KHDRBS2: variants seen among roughly 807,000 people sequenced by gnomAD.
KHDRBS2 encodes KH domain-containing, RNA-binding, signal transduction-associated protein 2.
A neutral mutation model predicts 44.3 loss-of-function variants in KHDRBS2; 26 were observed. That is an observed-to-expected ratio of 0.59 (90% CI 0.43 to 0.81). KHDRBS2 has a LOEUF of 0.81. Ranked by LOEUF, KHDRBS2 falls within the 40% of genes least tolerant of loss-of-function variation. The probability of loss-of-function intolerance (pLI) is 0.00; values close to 1 mark genes in which losing one functional copy is unlikely to be tolerated. For synonymous variants in KHDRBS2, 194 were observed against 151.1 expected (o/e 1.28, Z -2.08); for missense variants, 476 against 433.1 (o/e 1.10, Z -0.88).
intron 6 of KHDRBS2, among the ~76,000 whole-genome samples, chr6:61,779,266 C>T (rs1782574801): frequency 6.6e-6 from 1 of 151,830 alleles, no homozygotes; most frequent in Non-Finnish European, 1.5e-5. Flanking sequence ...ATCTGAAGTC[C>T]CTTAACTCAG....
the KHDRBS2 span, among the ~76,000 whole-genome samples, chr6:61,655,445 G>A: frequency 4.5e-4 from 68 of 152,114 alleles, no homozygotes; most frequent in Non-Finnish European, 4.1e-4. Flanking sequence ...AGTAGAGACA[G>A]GGTTTCACCA....
chr6:61,640,008 T>C, the KHDRBS2 span, among the ~76,000 whole-genome samples: 5 of 152,098 alleles, frequency 3.3e-5, no homozygotes, highest in Non-Finnish European at 7.4e-5. Context: ...AAACTAACTG[T>C]AAATGGGCAT....
intron 4 of KHDRBS2, among the ~76,000 whole-genome samples, chr6:61,955,732 A>ACTCT (rs1554292600): frequency 7.9e-6 from 1 of 126,208 alleles, no homozygotes; most frequent in Admixed American, 7.9e-5. Context: ...ACATATATAG[A>ACTCT]CAGAGAGAGA....
the KHDRBS2 span, among the ~76,000 whole-genome samples, chr6:61,558,972 A>C: frequency 1.4e-5 from 2 of 143,106 alleles, no homozygotes; most frequent in African/African-American, 2.6e-5. Context: ...GTTTTTGTTG[A>C]CTTCCTGTCT....
chr6:61,681,632 G>A (rs1245843190), intron 8 of KHDRBS2, among the ~76,000 whole-genome samples: 2 of 143,950 alleles, frequency 1.4e-5, no homozygotes, highest in African/African-American at 2.6e-5. Flanking sequence ...AGCAAAATCA[G>A]TAAACAAAAC....
At chr6:61,818,251 G>T (rs939733415) in intron 6 of KHDRBS2, among the ~76,000 whole-genome samples, 4 of 124,196 alleles carry the variant, frequency 3.2e-5, no homozygotes, top group East Asian at 2.2e-4. Flanking sequence ...ATTGGGCAGA[G>T]AAAACCTCTG....
At chr6:62,118,365 T>C (rs1356314111) in intron 2 of KHDRBS2, among the ~76,000 whole-genome samples, 1 of 152,186 alleles carries the variant, frequency 6.6e-6, no homozygotes, top group East Asian at 1.9e-4. Flanking sequence ...TCAAGATTGC[T>C]TTGGCTATTT....
intron 3 of KHDRBS2, among the ~76,000 whole-genome samples, chr6:62,026,089 G>C (rs1192461): frequency 1.3e-5 from 2 of 151,794 alleles, no homozygotes; most frequent in African/African-American, 2.4e-5. Flanking sequence ...CTTCAAGTTG[G>C]TTCCTGAGAA....
At chr6:61,926,256 T>A (rs1369390207) in intron 4 of KHDRBS2, among the ~76,000 whole-genome samples, 1 of 152,122 alleles carries the variant, frequency 6.6e-6, no homozygotes, top group Non-Finnish European at 1.5e-5. Context: ...GAAGTATTAC[T>A]TTTAGATGAG....
chr6:61,990,939 A>C lies in KHDRBS2; in HGVS notation c.337-12727T>G, dbSNP rs180859205. 1.0e-3 allele frequency among the ~76,000 whole-genome samples: 156 copies of C among 152,160 alleles called. 1 individual carries two copies. The highest frequency in any genetic ancestry group is 1.1e-3 in the Non-Finnish European group (73 of 68,012). ...TGGCCAGGATGGTCTCAATCTCCTG[A>C]TCTTGTGATCCATCCGCCTTGGCCT... On this transcript the variant is annotated intron_variant, in intron 3 of 8. Coordinates refer to ENST00000281156, the MANE Select transcript of KHDRBS2 (RefSeq NM_152688.4).
At chr6:61,705,841 C>G (rs1769438085) in intron 7 of KHDRBS2, among the ~76,000 whole-genome samples, 1 of 151,724 alleles carries the variant, frequency 6.6e-6, no homozygotes, top group South Asian at 2.1e-4. Flanking sequence ...TCTCAGATAC[C>G]CAATAACCCT....
chr6:62,190,522 G>A (rs1020009580), intron 1 of KHDRBS2, among the ~76,000 whole-genome samples: 4 of 151,958 alleles, frequency 2.6e-5, no homozygotes, highest in African/African-American at 7.3e-5. Flanking sequence ...GGTCGTCTGC[G>A]CTAAGGACAC....
chr6:61,905,450 G>GA (rs961031546), intron 4 of KHDRBS2, among the ~76,000 whole-genome samples: 138 of 145,580 alleles, frequency 9.5e-4, no homozygotes, highest in East Asian at 2.0e-3. Flanking sequence ...AAAGAGGAAT[G>GA]AAAAAAAAAA....
intron 3 of KHDRBS2, among the ~76,000 whole-genome samples, chr6:62,018,462 C>T (rs1781651431): frequency 6.6e-6 from 1 of 152,082 alleles, no homozygotes; most frequent in Non-Finnish European, 1.5e-5. Flanking sequence ...ATTCTCCTGT[C>T]TCAGCCTCCG....
chr6:62,164,814 C>T (rs1370790375), intron 2 of KHDRBS2, among the ~76,000 whole-genome samples: 5 of 151,858 alleles, frequency 3.3e-5, no homozygotes, highest in South Asian at 4.2e-4. Flanking sequence ...TGAAATTTTC[C>T]GCATGCCCTA....
At chr6:61,714,835 G>C (rs1771115941) in intron 7 of KHDRBS2, among the ~76,000 whole-genome samples, 1 of 151,792 alleles carries the variant, frequency 6.6e-6, no homozygotes, top group Non-Finnish European at 1.5e-5. Flanking sequence ...TATAAGTAGA[G>C]CTAAATAATA....
At chr6:62,108,238 A>C (rs1444705634) in intron 2 of KHDRBS2, among the ~76,000 whole-genome samples, 2 of 152,194 alleles carry the variant, frequency 1.3e-5, no homozygotes, top group Non-Finnish European at 2.9e-5. Context: ...GAGCTCAAAC[A>C]AATTTAGAAG....
intron 1 of KHDRBS2, among the ~76,000 whole-genome samples, chr6:62,271,577 G>A (rs1434702555): frequency 6.6e-6 from 1 of 152,108 alleles, no homozygotes; most frequent in Non-Finnish European, 1.5e-5. Flanking sequence ...GATTATCATA[G>A]ATGATGACAG....
At chr6:62,033,123 A>C (rs1008893004) in intron 3 of KHDRBS2, among the ~76,000 whole-genome samples, 1 of 151,928 alleles carries the variant, frequency 6.6e-6, no homozygotes, top group Non-Finnish European at 1.5e-5. Context: ...AGCAGAAGAA[A>C]TAATTAGTGA....
Sources: allele counts gnomAD v4.1 joint callset (sites outside exome capture counted in the v4.1 genomes callset), GRCh38; gene constraint gnomAD v4.1.1; transcripts MANE v1.5; gene names NCBI Gene and HGNC (gene_info 2026-07-23, HGNC 2026-07-21).